Variants in SPATA16 observed in about 807,000 individuals in gnomAD.
SPATA16 encodes the protein spermatogenesis associated 16.
A neutral mutation model predicts 63.3 loss-of-function variants in SPATA16; 36 were observed. The ratio of observed to expected loss-of-function variants is 0.57; its 90% CI spans 0.44 to 0.75. The LOEUF is 0.75. SPATA16 is among the 30% of genes least tolerant of loss of function. The pLI is 0.00. For synonymous variants in SPATA16, 203 were observed against 216.7 expected (o/e 0.94, Z 0.56); for missense variants, 646 against 679.3 (o/e 0.95, Z 0.54).
At chr3:173,116,433 A>G (rs562325047) in intron 2 of SPATA16, among the ~76,000 whole-genome samples, 6 of 152,348 alleles carry the variant, frequency 3.9e-5, no homozygotes, top group African/African-American at 1.4e-4. Flanking sequence ...ACAGTATGTC[A>G]TGAGCTAGTA....
At chr3:172,991,533 C>T (rs1253615826) in intron 4 of SPATA16, among the ~76,000 whole-genome samples, 3 of 152,154 alleles carry the variant, frequency 2.0e-5, no homozygotes, top group Non-Finnish European at 4.4e-5. Flanking sequence ...TATCTGCAGC[C>T]AGCTGAACTG....
At position 173,066,654 on chromosome 3, in the gene SPATA16, C is replaced by T. The variant is rs1458012166; in HGVS notation, c.613-17560G>A. Among the ~76,000 whole-genome samples, 6 of 152,292 alleles carry T rather than the reference C, an allele frequency of 3.9e-5. No homozygotes were observed. The South Asian group carries it at 6.2e-4, about 16-fold the overall frequency. ...GTGACCACAGGCTTAGGTCACAATG[C>T]TTAATCCCTTTTGAATTCATAAAAA... On this transcript the variant is annotated intron_variant, in intron 2 of 10. Coordinates refer to ENST00000351008, the MANE Select transcript of SPATA16 (RefSeq NM_031955.6).
intron 2 of SPATA16, among the ~76,000 whole-genome samples, chr3:173,106,105 C>T (rs1031857924): frequency 6.6e-6 from 1 of 152,184 alleles, no homozygotes; most frequent in Admixed American, 6.5e-5. Flanking sequence ...TATATATACA[C>T]TGGAGTGATA....
intron 10 of SPATA16, among the ~76,000 whole-genome samples, chr3:172,912,743 C>T (rs1732396733): frequency 6.6e-6 from 1 of 152,170 alleles, no homozygotes; most frequent in Non-Finnish European, 1.5e-5. Context: ...TGAATCAACG[C>T]TTTATGTTAC....
intron 4 of SPATA16, among the ~76,000 whole-genome samples, chr3:173,007,723 G>C (rs553999373): frequency 6.6e-6 from 1 of 151,582 alleles, no homozygotes; most frequent in Non-Finnish European, 1.5e-5. Flanking sequence ...CAGATTTGTG[G>C]CAAATAGTGA....
intron 1 of SPATA16, among the ~76,000 whole-genome samples, chr3:173,125,591 G>T (rs1193787223): frequency 1.3e-5 from 2 of 152,204 alleles, no homozygotes; most frequent in African/African-American, 4.8e-5. Flanking sequence ...GGTTGGGCTA[G>T]ACTATTGTTT....
At chr3:172,946,663 C>G (rs61576621) in intron 6 of SPATA16, among the ~76,000 whole-genome samples, 13,285 of 152,188 alleles carry the variant, frequency 0.087, 1,940 homozygotes, top group African/African-American at 0.3. Context: ...TGGGTGCCAG[C>G]TCAGCCACGT....
chr3:173,082,505 TCACTATC>T (rs1736947565), intron 2 of SPATA16, among the ~76,000 whole-genome samples: 4 of 152,190 alleles, frequency 2.6e-5, no homozygotes, highest in Admixed American at 2.6e-4. Flanking sequence ...TTTAAACTGT[TCACTATC>T]TCCCCTAAAT....
At chr3:172,942,537 A>G (rs1733180580) in intron 6 of SPATA16, among the ~76,000 whole-genome samples, 1 of 152,212 alleles carries the variant, frequency 6.6e-6, no homozygotes, top group South Asian at 2.1e-4. Context: ...ATGCTGAAAC[A>G]AAAAGTGAAA....
At chr3:172,910,745 C>T (rs1732354878) in intron 10 of SPATA16, among the ~76,000 whole-genome samples, 1 of 152,154 alleles carries the variant, frequency 6.6e-6, no homozygotes. Context: ...GAAATGTGCT[C>T]CTCAAGGCCC....
chr3:172,974,820 T>G (rs1295161617), intron 5 of SPATA16, among the ~76,000 whole-genome samples: 1 of 152,090 alleles, frequency 6.6e-6, no homozygotes, highest in East Asian at 1.9e-4. Flanking sequence ...ATCCTCACTT[T>G]CCAGTTGAAG....
chr3:173,055,725 TACAC>T (rs561941345), intron 2 of SPATA16, among the ~76,000 whole-genome samples: 173 of 152,290 alleles, frequency 1.1e-3, no homozygotes, highest in African/African-American at 4.0e-3. Flanking sequence ...ACAGACATAA[TACAC>T]ACACACATAC....
At chr3:173,077,696 C>A (rs557928343) in intron 2 of SPATA16, among the ~76,000 whole-genome samples, 7 of 152,168 alleles carry the variant, frequency 4.6e-5, no homozygotes, top group Non-Finnish European at 7.4e-5. Context: ...TTCTCTCTCA[C>A]CAACTAATAC....
chr3:172,951,434 G>A (rs1023329864), intron 6 of SPATA16, among the ~76,000 whole-genome samples: 2 of 151,852 alleles, frequency 1.3e-5, no homozygotes, highest in Non-Finnish European at 2.9e-5. Flanking sequence ...GAAGTGAATA[G>A]GTCTTCTCAT....
At chr3:173,041,485 T>G (rs1304815973) in intron 3 of SPATA16, among the ~76,000 whole-genome samples, 1 of 152,156 alleles carries the variant, frequency 6.6e-6, no homozygotes, top group African/African-American at 2.4e-5. Context: ...CCATATGTTT[T>G]CCCAAAGCAA....
intron 2 of SPATA16, among the ~76,000 whole-genome samples, chr3:173,071,433 T>C (rs1271646076): frequency 6.6e-6 from 1 of 151,748 alleles, no homozygotes; most frequent in African/African-American, 2.4e-5. Context: ...AAAACACAGG[T>C]AACCAAAGGA....
intron 4 of SPATA16, among the ~76,000 whole-genome samples, chr3:172,994,049 CA>C (rs1379096072): frequency 6.6e-6 from 1 of 152,034 alleles, no homozygotes; most frequent in Non-Finnish European, 1.5e-5. Flanking sequence ...ACATCATTCC[CA>C]ATACTTTTGT....
intron 2 of SPATA16, among the ~76,000 whole-genome samples, chr3:173,112,563 A>G (rs1301355580): frequency 6.6e-6 from 1 of 152,232 alleles, no homozygotes; most frequent in African/African-American, 2.4e-5. Context: ...GTAACACAAT[A>G]ATAATAACAG....
chr3:172,980,564 A>G (rs1163012667), intron 4 of SPATA16, among the ~76,000 whole-genome samples: 1 of 152,152 alleles, frequency 6.6e-6, no homozygotes, highest in African/African-American at 2.4e-5. Context: ...TTATGAAGTG[A>G]TAAGCACCAT....
Sources: gnomAD v4.1 joint callset for allele counts (sites outside exome capture counted in the v4.1 genomes callset) on GRCh38, gnomAD v4.1.1 for gene constraint, MANE v1.5 for transcripts, NCBI Gene and HGNC (gene_info 2026-07-23, HGNC 2026-07-21) for gene names.